Variants in IQSEC1 observed in about 807,000 individuals in gnomAD.
The protein encoded by IQSEC1 is IQ motif and SEC7 domain-containing protein 1.
A neutral mutation model predicts 91.0 loss-of-function variants in IQSEC1; 31 were observed. The observed-to-expected ratio is 0.34, with a 90% CI of 0.26 to 0.46. The LOEUF is 0.46. Ranked by LOEUF, IQSEC1 falls within the 20% of genes least tolerant of loss-of-function variation. IQSEC1 has a pLI of 1.00. For synonymous variants in IQSEC1, 699 were observed against 662.6 expected (o/e 1.05, Z -0.84); for missense variants, 1,388 against 1,575.6 (o/e 0.88, Z 2.02).
intron 6 of IQSEC1, among the ~76,000 whole-genome samples, chr3:12,916,901 T>C (rs1002717466): frequency 6.6e-6 from 1 of 152,142 alleles, no homozygotes; most frequent in Non-Finnish European, 1.5e-5. Flanking sequence ...AGGTGCAAAG[T>C]AGCAGGGGAT....
chr3:13,126,479 T>C (rs1026785015), intron 2 of IQSEC1, among the ~76,000 whole-genome samples: 1 of 152,262 alleles, frequency 6.6e-6, no homozygotes, highest in East Asian at 1.9e-4. Context: ...CACTGCTAAG[T>C]ATGTTTGTGT....
chr3:12,909,199 C>T lies in IQSEC1; in HGVS notation c.2578+74G>A. ...CTTGTCTCTGTGAGCTCAGAAGTCA[C>T]TGCCCTGACATGGGGAGGCAAGTGC... On this transcript the variant is annotated intron_variant, in intron 11 of 13. Transcript: ENST00000613206. This position sits in a 1 kb window ranked among gnomAD's most constrained non-coding sequence, Gnocchi z 4.9. 1.3e-6 allele frequency: 2 copies of T among 1,501,274 alleles called. No individual in the cohort carries two copies. The highest frequency in any genetic ancestry group is 4.5e-5 in the East Asian group (2 of 44,166). 93.0% of individuals were successfully genotyped at this position (1,501,274 alleles called of 1,614,324 possible).
chr3:13,076,767 C>T (rs888664210), upstream of IQSEC1, among the ~76,000 whole-genome samples: 5 of 152,156 alleles, frequency 3.3e-5, no homozygotes, highest in Admixed American at 6.5e-5. Context: ...TGAAGCTTCA[C>T]ATTTTAAAGA....
At chr3:12,949,980 A>T (rs1699432531) in intron 1 of IQSEC1, among the ~76,000 whole-genome samples, 1 of 152,230 alleles carries the variant, frequency 6.6e-6, no homozygotes, top group Non-Finnish European at 1.5e-5. Context: ...CAGGTGTTCA[A>T]GCAGGGTCTG....
chr3:13,152,172 A>AACGTATGC (rs1707011573), intron 2 of IQSEC1, among the ~76,000 whole-genome samples: 1 of 152,146 alleles, frequency 6.6e-6, no homozygotes, highest in Non-Finnish European at 1.5e-5. Context: ...TCTCTTGGAA[A>AACGTATGC]ACGTATGCGG....
Position 13,254,230 on chromosome 3 carries a change from T to C in IQSEC1, c.272+28481A>G, listed in dbSNP as rs566778052. Among the ~76,000 whole-genome samples the C allele has an allele frequency of 1.3e-4, 20 of 152,336 alleles. No individual in the cohort carries two copies. The South Asian group carries it at 4.1e-3, about 32-fold the overall frequency. On this transcript the variant is annotated intron_variant, in intron 1 of 15. Coordinates refer to the IQSEC1 transcript ENST00000648114. Reference sequence around the variant, plus strand: ...GCCTGGCCTTGGTTTGATTGCAGACTCAGCAAACATGAACCGAGCCCGCTC... The same window carrying C: ...GCCTGGCCTTGGTTTGATTGCAGACCCAGCAAACATGAACCGAGCCCGCTC...
At chr3:13,183,190 C>T (rs139723949) in intron 1 of IQSEC1, among the ~76,000 whole-genome samples, 11,353 of 151,282 alleles carry the variant, frequency 0.075, 1,331 homozygotes, top group African/African-American at 0.25. Flanking sequence ...AACAAACAAA[C>T]AAACAAACAA....
At chr3:12,984,614 C>T (rs1014184213) in intron 1 of IQSEC1, among the ~76,000 whole-genome samples, 6 of 152,130 alleles carry the variant, frequency 3.9e-5, no homozygotes, top group Admixed American at 3.3e-4. Context: ...GCATGCACGA[C>T]CTGTAGCCAC....
chr3:13,283,024 C>T (rs1227496453), exon 1 of IQSEC1, among the ~76,000 whole-genome samples: 7 of 144,776 alleles, frequency 4.8e-5, no homozygotes, highest in Non-Finnish European at 7.7e-5. Context: ...GGCGAGCGGG[C>T]GGCGGGGCGG....
chr3:13,274,202 G>A (rs546593626), intron 1 of IQSEC1, among the ~76,000 whole-genome samples: 115 of 152,278 alleles, frequency 7.6e-4, no homozygotes, highest in Non-Finnish European at 6.2e-4. Flanking sequence ...GCCTGCCCCC[G>A]GAAGTGTCCC....
chr3:13,135,178 T>C (rs1311280653), intron 2 of IQSEC1, among the ~76,000 whole-genome samples: 1 of 152,224 alleles, frequency 6.6e-6, no homozygotes, highest in African/African-American at 2.4e-5. Context: ...AGCAGACTCC[T>C]TGGGGTGCTC....
intron 2 of IQSEC1, among the ~76,000 whole-genome samples, chr3:13,109,285 T>A (rs1466756051): frequency 6.6e-6 from 1 of 152,192 alleles, no homozygotes; most frequent in Non-Finnish European, 1.5e-5. Context: ...CCACTCTTTT[T>A]TCTTCTTCTT....
chr3:13,099,184 G>C (rs1223663373), intron 2 of IQSEC1, among the ~76,000 whole-genome samples: 1 of 152,168 alleles, frequency 6.6e-6, no homozygotes, highest in Non-Finnish European at 1.5e-5. Context: ...TGTAGCCCTG[G>C]GGGCCATAGC....
intron 1 of IQSEC1, among the ~76,000 whole-genome samples, chr3:13,050,299 C>A (rs1220652704): frequency 6.6e-6 from 1 of 152,140 alleles, no homozygotes; most frequent in Non-Finnish European, 1.5e-5. Context: ...AGGCCAGGAA[C>A]AGGCCCCAGC....
upstream of IQSEC1, among the ~76,000 whole-genome samples, chr3:13,074,331 A>C (rs1278697847): frequency 8.9e-6 from 1 of 111,964 alleles, no homozygotes; most frequent in Non-Finnish European, 1.8e-5. Context: ...TGACTGGCCC[A>C]GAGGAGGCCA....
chr3:13,224,855 C>A (rs1694723958), intron 1 of IQSEC1, among the ~76,000 whole-genome samples: 1 of 152,232 alleles, frequency 6.6e-6, no homozygotes, highest in African/African-American at 2.4e-5. Flanking sequence ...TCATGCCCCC[C>A]AGAAGCCAGC....
chr3:13,184,001 A>G (rs902252672), intron 1 of IQSEC1, among the ~76,000 whole-genome samples: 6 of 152,262 alleles, frequency 3.9e-5, no homozygotes, highest in African/African-American at 1.4e-4. Flanking sequence ...TATTCAAGAA[A>G]TAGAATTTGT....
At chr3:13,133,418 T>A (rs1230500775) in intron 2 of IQSEC1, among the ~76,000 whole-genome samples, 1 of 152,226 alleles carries the variant, frequency 6.6e-6, no homozygotes, top group Non-Finnish European at 1.5e-5. Flanking sequence ...CCAGCCTGGA[T>A]AATTCATAAA....
intron 1 of IQSEC1, among the ~76,000 whole-genome samples, chr3:13,002,842 G>A (rs936703653): frequency 2.0e-5 from 3 of 150,798 alleles, no homozygotes; most frequent in Non-Finnish European, 4.4e-5. Flanking sequence ...ATGTGGGACA[G>A]GATGTGGAGA....
Sources: gnomAD v4.1 joint callset for allele counts (sites outside exome capture counted in the v4.1 genomes callset) on GRCh38, gnomAD v4.1.1 for gene constraint, Gnocchi (gnomAD v3.1) non-coding constraint, MANE v1.5 for transcripts, NCBI Gene and HGNC (gene_info 2026-07-23, HGNC 2026-07-21) for gene names.